The following FHIT variants were observed in gnomAD, a reference collection of about 807,000 sequenced individuals.
The protein encoded by FHIT is fragile histidine triad diadenosine triphosphatase, also known as bis(5'-adenosyl)-triphosphatase.
Under a neutral mutation model 17.9 loss-of-function variants are expected in FHIT, and 19 were observed. That is an observed-to-expected ratio of 1.06 (90% CI 0.74 to 1.56). FHIT has a LOEUF of 1.56. Among genes scored for constraint, FHIT ranks in the 40% most tolerant of loss-of-function variants. The probability of loss-of-function intolerance (pLI) is 0.00; values close to 1 mark genes in which losing one functional copy is unlikely to be tolerated. For missense variants in FHIT, 248 were observed against 189.2 expected, an observed-to-expected ratio of 1.31 and a Z score of -1.82; for synonymous variants, 81 against 69.7, an observed-to-expected ratio of 1.16 and a Z score of -0.81.
At chr3:61,210,754 C>T (rs776700890) in intron 1 of FHIT, among the ~76,000 whole-genome samples, 4 of 151,994 alleles carry the variant, frequency 2.6e-5, no homozygotes, top group African/African-American at 7.2e-5. Flanking sequence ...TTGCGCTTCC[C>T]GGATAAGGCA....
chr3:60,888,003 G>T (rs781983355), intron 3 of FHIT, among the ~76,000 whole-genome samples: 3 of 152,184 alleles, frequency 2.0e-5, no homozygotes, highest in Non-Finnish European at 4.4e-5. Context: ...AGGGAAAAGT[G>T]TAATCCCTAA....
chr3:60,677,390 G>T (rs62251502), intron 4 of FHIT, among the ~76,000 whole-genome samples: 9,417 of 152,050 alleles, frequency 0.062, 430 homozygotes, highest in African/African-American at 0.13. Flanking sequence ...CAGCTCCCAC[G>T]TGTGAGGACA....
At chr3:60,532,657 T>A (rs2035828995) in intron 5 of FHIT, among the ~76,000 whole-genome samples, 1 of 152,184 alleles carries the variant, frequency 6.6e-6, no homozygotes, top group Non-Finnish European at 1.5e-5. Context: ...CAAAGCCTGT[T>A]CAATAGGCTT....
At position 60,289,382 on chromosome 3, in the gene FHIT, C is replaced by T. The variant is rs751267777; in HGVS notation, c.103+247478G>A. Among the ~76,000 whole-genome samples the T allele has an allele frequency of 6.2e-4, 94 of 152,080 alleles. 3 individuals are homozygous for T. The highest frequency in any genetic ancestry group is 4.4e-4 in the Non-Finnish European group (30 of 68,002). On this transcript the variant is annotated intron_variant, in intron 5 of 9. Transcript: ENST00000492590. ...TAAAAGGCCATTTTAAGTTTGGGAT[C>T]GAAAGGACCTTTAATTTATAGCTCC...
intron 3 of FHIT, among the ~76,000 whole-genome samples, chr3:60,835,386 T>C (rs1443223179): frequency 6.6e-6 from 1 of 152,180 alleles, no homozygotes; most frequent in Non-Finnish European, 1.5e-5. Context: ...TATTTACATT[T>C]TTAAAATTTA....
At chr3:60,896,844 C>G (rs1553762078) in intron 3 of FHIT, among the ~76,000 whole-genome samples, 4 of 152,158 alleles carry the variant, frequency 2.6e-5, no homozygotes, top group African/African-American at 9.7e-5. Context: ...AACATGGTTT[C>G]AAACTCAAAA....
At chr3:61,059,958 T>C (rs920214476) in intron 2 of FHIT, among the ~76,000 whole-genome samples, 5 of 152,204 alleles carry the variant, frequency 3.3e-5, no homozygotes, top group African/African-American at 1.2e-4. Flanking sequence ...TGAACCGGCA[T>C]GTCTACATGG....
chr3:60,946,103 G>T (rs1708628922), intron 3 of FHIT, among the ~76,000 whole-genome samples: 1 of 152,166 alleles, frequency 6.6e-6, no homozygotes, highest in Non-Finnish European at 1.5e-5. Context: ...TCTGAGCTGA[G>T]CAAGGAGGAA....
intron 7 of FHIT, among the ~76,000 whole-genome samples, chr3:59,974,215 T>A (rs1049395624): frequency 6.6e-6 from 1 of 152,124 alleles, no homozygotes; most frequent in East Asian, 1.9e-4. Context: ...AAATGACAGA[T>A]GATTTGCTAC....
At chr3:59,930,934 G>C (rs1705940277) in intron 7 of FHIT, among the ~76,000 whole-genome samples, 1 of 152,112 alleles carries the variant, frequency 6.6e-6, no homozygotes, top group Non-Finnish European at 1.5e-5. Flanking sequence ...CAATTAAGCA[G>C]TTTGGTGTTC....
chr3:61,098,650 T>A (rs1423583106), intron 2 of FHIT, among the ~76,000 whole-genome samples: 1 of 152,212 alleles, frequency 6.6e-6, no homozygotes, highest in Non-Finnish European at 1.5e-5. Flanking sequence ...GTAGTTCCCC[T>A]TGTGGAGATC....
At chr3:60,434,791 G>A (rs191864947) in intron 5 of FHIT, among the ~76,000 whole-genome samples, 1 of 151,866 alleles carries the variant, frequency 6.6e-6, no homozygotes, top group African/African-American at 2.4e-5. Flanking sequence ...ATATTCCTTG[G>A]TCCCATTAAA....
intron 5 of FHIT, among the ~76,000 whole-genome samples, chr3:60,441,573 A>G (rs2030802733): frequency 6.6e-6 from 1 of 151,076 alleles, no homozygotes; most frequent in Non-Finnish European, 1.5e-5. Flanking sequence ...AACTCAAGAT[A>G]GAGACACACC....
intron 8 of FHIT, among the ~76,000 whole-genome samples, chr3:59,772,480 A>T (rs1011329688): frequency 6.6e-6 from 1 of 152,188 alleles, no homozygotes; most frequent in Non-Finnish European, 1.5e-5. Flanking sequence ...TGACCATCTT[A>T]TCAGGGTGGC....
At chr3:59,858,556 A>G (rs1702274460) in intron 8 of FHIT, among the ~76,000 whole-genome samples, 4 of 151,886 alleles carry the variant, frequency 2.6e-5, no homozygotes, top group Non-Finnish European at 4.4e-5. Context: ...GAGAAATGAT[A>G]GCATCTGAGG....
At chr3:60,038,104 T>C (rs548985766) in intron 5 of FHIT, among the ~76,000 whole-genome samples, 2 of 152,362 alleles carry the variant, frequency 1.3e-5, no homozygotes, top group African/African-American at 4.8e-5. Context: ...GTCTATTTTC[T>C]ATTTTAATAG....
chr3:60,671,249 A>G (rs2040496746), intron 4 of FHIT, among the ~76,000 whole-genome samples: 1 of 152,140 alleles, frequency 6.6e-6, no homozygotes, highest in African/African-American at 2.4e-5. Context: ...GGGAACCTAA[A>G]CAGAAGTCCA....
intron 5 of FHIT, among the ~76,000 whole-genome samples, chr3:60,410,175 G>A (rs983218765): frequency 2.0e-5 from 3 of 152,184 alleles, no homozygotes; most frequent in African/African-American, 7.2e-5. Context: ...TCTAGAGAGA[G>A]GCAAGGAGGT....
intron 5 of FHIT, among the ~76,000 whole-genome samples, chr3:60,197,971 A>C (rs1702722698): frequency 6.6e-6 from 1 of 152,184 alleles, no homozygotes; most frequent in Non-Finnish European, 1.5e-5. Flanking sequence ...AGCTGAAATC[A>C]GTTATTATGA....
Sources: allele counts gnomAD v4.1 joint callset (sites outside exome capture counted in the v4.1 genomes callset), GRCh38; gene constraint gnomAD v4.1.1; transcripts MANE v1.5; gene names NCBI Gene and HGNC (gene_info 2026-07-23, HGNC 2026-07-21).